The following PRKAG2 variants were observed in gnomAD, a reference collection of about 807,000 sequenced individuals.
PRKAG2 encodes the protein 5'-AMP-activated protein kinase subunit gamma-2.
Under a neutral mutation model 69.6 loss-of-function variants are expected in PRKAG2, and 26 were observed. The observed-to-expected ratio is 0.37, with a 90% CI of 0.27 to 0.52. PRKAG2 has a LOEUF of 0.52. PRKAG2 is among the 20% of genes least tolerant of loss of function. The pLI is 0.90. For missense variants in PRKAG2, 557 were observed against 740.0 expected (o/e 0.75, Z 2.87); for synonymous variants, 293 against 285.0 (o/e 1.03, Z -0.28).
chr7:151,632,142 AG>A lies in PRKAG2; in HGVS notation c.685-5del, dbSNP rs771307833. ...CCAGGGCCGCCGCCAGCGCCGCCTG[AG>A]GGGGAGGAGGAGGACAGCGATCAGC... On this transcript the variant is annotated splice_region_variant and splice_polypyrimidine_tract_variant and intron_variant, in intron 4 of 15. Transcript: ENST00000287878. This position sits in a 1 kb window ranked among gnomAD's most constrained non-coding sequence, Gnocchi z 4.2. The A allele has an allele frequency of 8.6e-6, 12 of 1,393,466 alleles. No homozygotes were observed. The highest frequency in any genetic ancestry group is 4.3e-5 in the Admixed American group (2 of 46,038). 86.3% of individuals were successfully genotyped at this position (1,393,466 alleles called of 1,614,324 possible). A position where few individuals can be genotyped will look rare whatever the true frequency, so the allele number is the denominator to read the frequency against.
intron 6 of PRKAG2, among the ~76,000 whole-genome samples, chr7:151,582,737 C>T (rs796561277): frequency 6.6e-6 from 1 of 152,234 alleles, no homozygotes; most frequent in African/African-American, 2.4e-5. Flanking sequence ...ATAAGCACAG[C>T]AGCTCACTTC....
intron 6 of PRKAG2, among the ~76,000 whole-genome samples, chr7:151,577,387 T>C (rs1182324307): frequency 6.6e-6 from 1 of 152,184 alleles, no homozygotes; most frequent in Non-Finnish European, 1.5e-5. Context: ...AAAATGATCC[T>C]CTAAATTCAG....
At chr7:151,713,498 TAGAC>T (rs915066161) in intron 3 of PRKAG2, among the ~76,000 whole-genome samples, 7 of 152,304 alleles carry the variant, frequency 4.6e-5, no homozygotes, top group African/African-American at 1.4e-4. Context: ...TATGTAAAAG[TAGAC>T]AGAACAGAAT....
intron 4 of PRKAG2, among the ~76,000 whole-genome samples, chr7:151,653,337 G>C (rs530617939): frequency 6.6e-6 from 1 of 152,138 alleles, no homozygotes; most frequent in Non-Finnish European, 1.5e-5. Flanking sequence ...TTCTAGTGCT[G>C]ATTAATATAG....
At chr7:151,689,387 C>A (rs1835297439) in intron 3 of PRKAG2, among the ~76,000 whole-genome samples, 1 of 152,182 alleles carries the variant, frequency 6.6e-6, no homozygotes, top group Non-Finnish European at 1.5e-5. Flanking sequence ...AGTCACCATC[C>A]CCTCCTGGAA....
chr7:151,709,862 G>A (rs925945975), intron 3 of PRKAG2, among the ~76,000 whole-genome samples: 11 of 152,046 alleles, frequency 7.2e-5, no homozygotes, highest in African/African-American at 2.4e-4. Flanking sequence ...TGACAGTGAC[G>A]AGTGACGTGA....
In PRKAG2 at chr7:151,671,210, T is replaced by A. The variant is rs545327310; in HGVS notation, c.684+4210A>T. ...AAAAAAAAAAAAAAGGAGTGCTGTC[T>A]TCTAAAGACTAATTTTCTCCATTCC... On this transcript the variant is annotated intron_variant, in intron 4 of 15. Coordinates refer to ENST00000287878, the MANE Select transcript of PRKAG2 (RefSeq NM_016203.4). Among the ~76,000 whole-genome samples, 87 of 151,176 alleles carry A rather than the reference T, an allele frequency of 5.8e-4. 1 individual carries two copies. Among genetic ancestry groups the A allele is most frequent in the African/African-American group, 2.1e-3 (85 of 41,160 alleles).
chr7:151,587,338 C>T (rs148440214), intron 6 of PRKAG2, among the ~76,000 whole-genome samples: 31 of 152,242 alleles, frequency 2.0e-4, no homozygotes, highest in African/African-American at 7.0e-4. Context: ...GGAGAAGGGA[C>T]AAATCTCCCT....
At chr7:151,617,764 T>C (rs1247702024) in intron 5 of PRKAG2, among the ~76,000 whole-genome samples, 1 of 152,140 alleles carries the variant, frequency 6.6e-6, no homozygotes, top group African/African-American at 2.4e-5. Flanking sequence ...GTCCCAAACT[T>C]CACTTAAAAA....
intron 3 of PRKAG2, among the ~76,000 whole-genome samples, chr7:151,762,120 C>A (rs186221645): frequency 3.3e-5 from 5 of 152,188 alleles, no homozygotes; most frequent in African/African-American, 4.8e-5. Flanking sequence ...CAGTCTGCTG[C>A]GCACCTCAGC....
chr7:151,782,335 AGGAAGGAGGGAG>A (rs1279786224), intron 2 of PRKAG2, among the ~76,000 whole-genome samples: 25 of 27,420 alleles, frequency 9.1e-4, no homozygotes, highest in African/African-American at 2.1e-3. Flanking sequence ...GAAGGAAGGA[AGGAAGGAGGGAG>A]GGAGGGAGGG....
At chr7:151,679,013 GAGA>G (rs551546984) in intron 3 of PRKAG2, among the ~76,000 whole-genome samples, 85 of 152,152 alleles carry the variant, frequency 5.6e-4, no homozygotes, top group African/African-American at 2.0e-3. Flanking sequence ...CAAAGGTCTT[GAGA>G]AGAAAACCCT....
At chr7:151,609,664 C>T (rs1057296019) in intron 5 of PRKAG2, among the ~76,000 whole-genome samples, 2 of 152,204 alleles carry the variant, frequency 1.3e-5, no homozygotes, top group East Asian at 1.9e-4. Context: ...AGAAGCAGAG[C>T]GTGAGGACTC....
intron 5 of PRKAG2, among the ~76,000 whole-genome samples, chr7:151,616,596 C>T (rs1820197692): frequency 1.3e-5 from 2 of 152,230 alleles, no homozygotes; most frequent in South Asian, 4.1e-4. Flanking sequence ...ACACACCAAA[C>T]ACTGCCCCGT....
intron 1 of PRKAG2, chr7:151,809,151 C>T (rs1338974173): frequency 6.9e-6 from 3 of 436,584 alleles, no homozygotes; most frequent in South Asian, 1.6e-5. Context: ...GGCCATCCTG[C>T]GTAAATGCCT....
chr7:151,842,616 T>G (rs2079333898), intron 1 of PRKAG2, among the ~76,000 whole-genome samples: 1 of 118,402 alleles, frequency 8.4e-6, no homozygotes, highest in South Asian at 2.9e-4. Flanking sequence ...TGATGGTAGG[T>G]AGTGATGATG....
chr7:151,794,281 C>A (rs1384622317), intron 1 of PRKAG2, among the ~76,000 whole-genome samples: 1 of 152,244 alleles, frequency 6.6e-6, no homozygotes, highest in East Asian at 1.9e-4. Context: ...TCTTTTTGCT[C>A]AAAACCAAGT....
chr7:151,819,603 T>C (rs1029148446), intron 1 of PRKAG2, among the ~76,000 whole-genome samples: 1 of 152,052 alleles, frequency 6.6e-6, no homozygotes, highest in Non-Finnish European at 1.5e-5. Context: ...ACATTTGGAG[T>C]CATTAAGACC....
chr7:151,825,295 G>T (rs1367619102), intron 1 of PRKAG2, among the ~76,000 whole-genome samples: 3 of 152,204 alleles, frequency 2.0e-5, no homozygotes, highest in Non-Finnish European at 4.4e-5. Context: ...GGGCCTTTGA[G>T]AATGTAGTCC....
Sources: gnomAD v4.1 joint callset for allele counts (sites outside exome capture counted in the v4.1 genomes callset) on GRCh38, gnomAD v4.1.1 for gene constraint, Gnocchi (gnomAD v3.1) non-coding constraint, MANE v1.5 for transcripts, NCBI Gene and HGNC (gene_info 2026-07-23, HGNC 2026-07-21) for gene names.